The following ARB2A variants were observed in gnomAD, a reference collection of about 807,000 sequenced individuals.
ARB2A encodes the protein ARB2 cotranscriptional regulator A.
chr5:93,912,129 C>CA, the ARB2A span, among the ~76,000 whole-genome samples: 1 of 151,584 alleles, frequency 6.6e-6, no homozygotes, highest in Admixed American at 6.6e-5. Flanking sequence ...TCGTTATTGT[C>CA]AGAGGATTAA....
At chr5:93,777,314 TAAA>T in the ARB2A span, among the ~76,000 whole-genome samples, 2 of 150,770 alleles carry the variant, frequency 1.3e-5, no homozygotes, top group African/African-American at 4.9e-5. Flanking sequence ...ATAATAATAA[TAAA>T]AAAAAATCAC....
chr5:93,738,318 A>G, the ARB2A span: 1 of 153,172 alleles, frequency 6.5e-6, no homozygotes. Flanking sequence ...GGGATATGGA[A>G]AAACTAGAAC....
chr5:93,799,869 T>C, the ARB2A span, among the ~76,000 whole-genome samples: 1 of 151,962 alleles, frequency 6.6e-6, no homozygotes. Flanking sequence ...TAGAAATAAT[T>C]AGAAAAAAAT....
the ARB2A span, among the ~76,000 whole-genome samples, chr5:93,642,920 T>C: frequency 1.3e-5 from 2 of 152,256 alleles, no homozygotes; most frequent in South Asian, 4.2e-4. Flanking sequence ...TTTTTTATGG[T>C]TGTGTTCTCA....
chr5:93,970,221 T>C, the ARB2A span, among the ~76,000 whole-genome samples: 1 of 152,020 alleles, frequency 6.6e-6, no homozygotes, highest in Admixed American at 6.6e-5. Context: ...AAAACACCAA[T>C]ACCCATACAT....
At chr5:93,723,557 A>G in the ARB2A span, among the ~76,000 whole-genome samples, 1 of 152,110 alleles carries the variant, frequency 6.6e-6, no homozygotes, top group African/African-American at 2.4e-5. Context: ...CTGTAAAAAT[A>G]AGAACAGTAA....
the ARB2A span, among the ~76,000 whole-genome samples, chr5:93,834,949 T>C: frequency 6.6e-6 from 1 of 152,186 alleles, no homozygotes; most frequent in Non-Finnish European, 1.5e-5. Flanking sequence ...CCCCATGAAT[T>C]CCACATTAGA....
the ARB2A span, among the ~76,000 whole-genome samples, chr5:93,797,661 A>C: frequency 6.6e-6 from 1 of 152,180 alleles, no homozygotes; most frequent in Non-Finnish European, 1.5e-5. Flanking sequence ...AGTGCCTGAA[A>C]GGTGACAGAC....
At chr5:93,931,270 A>T in the ARB2A span, among the ~76,000 whole-genome samples, 13 of 152,156 alleles carry the variant, frequency 8.5e-5, no homozygotes, top group Non-Finnish European at 1.8e-4. Flanking sequence ...GTTTGAGACC[A>T]GCCTGACAAC....
At chr5:94,022,595 C>T in the ARB2A span, among the ~76,000 whole-genome samples, 179 of 152,270 alleles carry the variant, frequency 1.2e-3, no homozygotes, top group African/African-American at 4.2e-3. Flanking sequence ...AGGTTTGGAG[C>T]AAATAATACT....
chr5:93,845,277 T>C, the ARB2A span, among the ~76,000 whole-genome samples: 1 of 152,232 alleles, frequency 6.6e-6, no homozygotes, highest in African/African-American at 2.4e-5. Context: ...TAATGTGTCA[T>C]AATAAACAAC....
chr5:93,984,302 T>C, the ARB2A span, among the ~76,000 whole-genome samples: 131 of 152,294 alleles, frequency 8.6e-4, no homozygotes, highest in Non-Finnish European at 1.5e-3. Context: ...TTTCTCAAAC[T>C]GTTCATATTT....
chr5:93,732,206 G>C, the ARB2A span, among the ~76,000 whole-genome samples: 440 of 152,230 alleles, frequency 2.9e-3, 1 homozygote, highest in African/African-American at 0.01. Context: ...TATTGGGGTG[G>C]ATTCAGTTCA....
At chr5:93,847,162 T>G in the ARB2A span, among the ~76,000 whole-genome samples, 4 of 152,322 alleles carry the variant, frequency 2.6e-5, no homozygotes, top group South Asian at 2.1e-4. Context: ...TCATTCAAGT[T>G]TGATCATGAG....
chr5:93,781,704 T>A, the ARB2A span, among the ~76,000 whole-genome samples: 4 of 149,510 alleles, frequency 2.7e-5, no homozygotes, highest in East Asian at 1.9e-4. Flanking sequence ...TTTTTTTTTT[T>A]AAATAGTAGC....
At chr5:93,817,201 C>T in the ARB2A span, among the ~76,000 whole-genome samples, 1 of 151,842 alleles carries the variant, frequency 6.6e-6, no homozygotes, top group Non-Finnish European at 1.5e-5. Context: ...TCTACTAGTA[C>T]TGAATATGAA....
the ARB2A span, among the ~76,000 whole-genome samples, chr5:93,944,060 G>C: frequency 6.6e-6 from 1 of 152,038 alleles, no homozygotes; most frequent in South Asian, 2.1e-4. Context: ...ATTTCTAGTA[G>C]AAAATCCTAA....
the ARB2A span, among the ~76,000 whole-genome samples, chr5:93,950,587 G>T: frequency 1.3e-5 from 2 of 151,908 alleles, no homozygotes; most frequent in Non-Finnish European, 2.9e-5. Context: ...AGGTTGTAGT[G>T]AGCTGAGCTT....
the ARB2A span, among the ~76,000 whole-genome samples, chr5:93,631,810 A>G: frequency 8.9e-6 from 1 of 111,846 alleles, no homozygotes. Flanking sequence ...GGAGAGGGGG[A>G]GAGGGGAGGG....
Sources: allele counts gnomAD v4.1 joint callset (sites outside exome capture counted in the v4.1 genomes callset), GRCh38; gene constraint gnomAD v4.1.1; transcripts MANE v1.5; gene names NCBI Gene and HGNC (gene_info 2026-07-23, HGNC 2026-07-21).